ADAM10: variants seen among roughly 807,000 people sequenced by gnomAD.
ADAM10 encodes disintegrin and metalloproteinase domain-containing protein 10.
In ADAM10, 17 loss-of-function variants were observed where a neutral mutation model predicts 90.1. That is an observed-to-expected ratio of 0.19 (90% confidence interval 0.13 to 0.28). The LOEUF (loss-of-function observed/expected upper bound fraction) is 0.28, where lower values mean the gene tolerates loss of function less well. Among genes scored for constraint, ADAM10 ranks in the 10% least tolerant of loss-of-function variants. The pLI, the probability that ADAM10 is intolerant of heterozygous loss-of-function variation, is 1.00. For missense variants in ADAM10, 610 were observed against 914.3 expected (o/e 0.67, Z 4.29); for synonymous variants, 310 against 298.6 (o/e 1.04, Z -0.40).
At chr15:58,725,357 C>T (rs1467317795) in intron 1 of ADAM10, among the ~76,000 whole-genome samples, 7 of 147,480 alleles carry the variant, frequency 4.7e-5, no homozygotes, top group Admixed American at 4.7e-4. Context: ...ATAGCAAGAC[C>T]TTGTCTCTAC....
intron 5 of ADAM10, among the ~76,000 whole-genome samples, chr15:58,656,974 G>A (rs143951114): frequency 2.0e-5 from 3 of 152,032 alleles, no homozygotes; most frequent in African/African-American, 7.2e-5. Flanking sequence ...ACTGCTATAG[G>A]ATAAAAAATT....
chr15:58,714,678 C>T (rs1484462298), intron 2 of ADAM10, among the ~76,000 whole-genome samples: 1 of 151,388 alleles, frequency 6.6e-6, no homozygotes, highest in African/African-American at 2.4e-5. Flanking sequence ...ATGTGTTGAG[C>T]CAATCTACCT....
At chr15:58,700,421 C>T (rs1369959947) in intron 2 of ADAM10, among the ~76,000 whole-genome samples, 1 of 152,046 alleles carries the variant, frequency 6.6e-6, no homozygotes, top group Non-Finnish European at 1.5e-5. Flanking sequence ...AAACCACGAA[C>T]AAGAACTTTG....
chr15:58,688,012 T>C (rs1209453122), intron 2 of ADAM10, among the ~76,000 whole-genome samples: 1 of 152,076 alleles, frequency 6.6e-6, no homozygotes, highest in Non-Finnish European at 1.5e-5. Flanking sequence ...TGTGACAAAA[T>C]TGCACAGAAT....
At chr15:58,670,299 G>A (rs934397440) in intron 4 of ADAM10, among the ~76,000 whole-genome samples, 2 of 152,024 alleles carry the variant, frequency 1.3e-5, no homozygotes, top group Admixed American at 1.3e-4. Flanking sequence ...ATTTATAGGT[G>A]TAAGAGTATA....
At chr15:58,682,750 C>T (rs1167461347) in intron 2 of ADAM10, among the ~76,000 whole-genome samples, 1 of 152,106 alleles carries the variant, frequency 6.6e-6, no homozygotes, top group African/African-American at 2.4e-5. Flanking sequence ...AAAGCAGCAT[C>T]TATATGGGGT....
At chr15:58,651,793 T>C (rs1371545406) in intron 5 of ADAM10, among the ~76,000 whole-genome samples, 1 of 152,166 alleles carries the variant, frequency 6.6e-6, no homozygotes, top group Non-Finnish European at 1.5e-5. Flanking sequence ...ATTATGGTAG[T>C]TCTATTTGTA....
At chr15:58,719,441 T>C (rs1295049128) in intron 1 of ADAM10, among the ~76,000 whole-genome samples, 2 of 152,178 alleles carry the variant, frequency 1.3e-5, no homozygotes, top group Non-Finnish European at 2.9e-5. Flanking sequence ...AAAAAAGTGA[T>C]TCTTTGACAA....
chr15:58,606,852 G>A (rs1254018770), intron 14 of ADAM10, among the ~76,000 whole-genome samples: 1 of 152,202 alleles, frequency 6.6e-6, no homozygotes, highest in Non-Finnish European at 1.5e-5. Flanking sequence ...TCGATCAGGA[G>A]TTGGCAAATA....
chr15:58,737,555 C>T (rs1375068460), intron 1 of ADAM10, among the ~76,000 whole-genome samples: 1 of 152,152 alleles, frequency 6.6e-6, no homozygotes, highest in East Asian at 1.9e-4. Context: ...CCTCCTCTCT[C>T]ATTTATAAAA....
chr15:58,726,133 A>T (rs1899018978), intron 1 of ADAM10, among the ~76,000 whole-genome samples: 1 of 152,234 alleles, frequency 6.6e-6, no homozygotes, highest in Non-Finnish European at 1.5e-5. Context: ...TAACAATAAC[A>T]GCACAACAGA....
Position 58,737,286 on chromosome 15 carries a change from A to T in ADAM10, c.55+12194T>A, listed in dbSNP as rs554904434. ...ATATATTTATCTATGACAAAACTGA[A>T]ATGGTTTTATGCGTGTTCTTTCTGT... On this transcript the variant is annotated intron_variant, in intron 1 of 15. Coordinates refer to ENST00000260408, the MANE Select transcript of ADAM10 (RefSeq NM_001110.4). Among the ~76,000 whole-genome samples, 68 of 152,196 alleles carry T rather than the reference A, an allele frequency of 4.5e-4. 1 individual carries two copies. The highest frequency in any genetic ancestry group is 1.6e-3 in the African/African-American group (68 of 41,534).
chr15:58,615,146 C>T (rs565515886), intron 11 of ADAM10, among the ~76,000 whole-genome samples: 3 of 151,878 alleles, frequency 2.0e-5, no homozygotes, highest in South Asian at 2.1e-4. Context: ...TGGTGGCAGG[C>T]GCCTGTAGTC....
At chr15:58,737,062 T>C (rs1384606253) in intron 1 of ADAM10, among the ~76,000 whole-genome samples, 4 of 152,140 alleles carry the variant, frequency 2.6e-5, no homozygotes, top group Admixed American at 1.3e-4. Context: ...GGCCTCCTTG[T>C]CACAGGAGAG....
chr15:58,597,533 G>A lies in ADAM10; in HGVS notation c.*14C>T. ...CATTGTAGGCACTAGGAAGAACCAA[G>A]GCAAAAGCTGCAGTTAGCGTCTCAT... On this transcript the variant is annotated 3_prime_UTR_variant, in exon 16 of 16. Coordinates refer to ENST00000260408, the MANE Select transcript of ADAM10 (RefSeq NM_001110.4). The A allele has an allele frequency of 1.2e-6, 2 of 1,614,120 alleles. No homozygotes were observed. The highest frequency in any genetic ancestry group is 1.7e-6 in the Non-Finnish European group (2 of 1,180,008).
chr15:58,688,786 A>ATATATCTCTCTC, intron 2 of ADAM10, among the ~76,000 whole-genome samples: 19 of 122,374 alleles, frequency 1.6e-4, no homozygotes, highest in African/African-American at 6.8e-4. Flanking sequence ...ATATATATAT[A>ATATATCTCTCTC]TCTCTCTCTC....
At chr15:58,604,849 G>A (rs141697706) in intron 14 of ADAM10, among the ~76,000 whole-genome samples, 75 of 152,242 alleles carry the variant, frequency 4.9e-4, no homozygotes, top group African/African-American at 1.7e-3. Context: ...CTGGGCTGTG[G>A]TGATCCTCCT....
intron 2 of ADAM10, among the ~76,000 whole-genome samples, chr15:58,699,870 G>C (rs182464781): frequency 9.4e-4 from 143 of 152,228 alleles, no homozygotes; most frequent in Non-Finnish European, 1.8e-3. Context: ...AACCTTAACT[G>C]TAAAAGGATG....
At chr15:58,667,610 A>G (rs1191496365) in intron 4 of ADAM10, among the ~76,000 whole-genome samples, 1 of 152,170 alleles carries the variant, frequency 6.6e-6, no homozygotes, top group Non-Finnish European at 1.5e-5. Context: ...AATGACTTCT[A>G]TAGAATAATA....
Sources: gnomAD v4.1 joint callset for allele counts (sites outside exome capture counted in the v4.1 genomes callset) on GRCh38, gnomAD v4.1.1 for gene constraint, MANE v1.5 for transcripts, NCBI Gene and HGNC (gene_info 2026-07-23, HGNC 2026-07-21) for gene names.